ACSF3: variants seen among roughly 807,000 people sequenced by gnomAD.
The protein encoded by ACSF3 is malonate--CoA ligase ACSF3, mitochondrial.
A neutral mutation model predicts 53.2 loss-of-function variants in ACSF3; 78 were observed. The ratio of observed to expected loss-of-function variants is 1.47; its 90% CI spans 1.22 to 1.77. ACSF3 has a LOEUF of 1.77. Among genes scored for constraint, ACSF3 ranks in the 40% most tolerant of loss-of-function variants. The probability of loss-of-function intolerance (pLI) is 0.00; values close to 1 mark genes in which losing one functional copy is unlikely to be tolerated. For synonymous variants in ACSF3, 414 were observed against 333.1 expected (o/e 1.24, Z -2.65); for missense variants, 937 against 771.1 (o/e 1.22, Z -2.55).
At chr16:89,124,670 CGT>C (rs1907593024) in intron 7 of ACSF3, among the ~76,000 whole-genome samples, 3 of 147,622 alleles carry the variant, frequency 2.0e-5, no homozygotes, top group South Asian at 2.2e-4. Context: ...GCACGCACTG[CGT>C]GTGTCACATA....
chr16:89,149,047 A>G (rs1326057395), intron 10 of ACSF3: 1 of 152,130 alleles, frequency 6.6e-6, no homozygotes, highest in East Asian at 1.9e-4. Flanking sequence ...TACCTTTTAA[A>G]TCTAAGTTCC....
In ACSF3 at chr16:89,093,950, A is replaced by G. The variant is rs2151380065; in HGVS notation, c.-240A>G. The G allele has an allele frequency of 6.2e-6, 2 of 323,200 alleles. No homozygotes were observed. Among genetic ancestry groups the G allele is most frequent in the Non-Finnish European group, 1.3e-5 (2 of 154,682 alleles). The allele number at this position is 323,200 out of a possible 1,614,324, so 20.0% of individuals were successfully genotyped here. A position where few individuals can be genotyped will look rare whatever the true frequency, so the allele number is the denominator to read the frequency against. On this transcript the variant is annotated 5_prime_UTR_variant, in exon 1 of 11. Coordinates refer to ENST00000614302, the MANE Select transcript of ACSF3 (RefSeq NM_001243279.3). ...GCGCGCGCGGCGGAGGACGAGGAAG[A>G]GTTGTGGCGAGGCAGATCCTGCCCC...
Position 89,146,069 on chromosome 16 carries a change from G to GGGGGGGGGGGGGGGC in ACSF3, c.1613+20_1613+21insGGGGGGGGGGGGGGC. On this transcript the variant is annotated intron_variant, in intron 10 of 10. Coordinates refer to ENST00000614302, the MANE Select transcript of ACSF3 (RefSeq NM_001243279.3). The stretch of plus-strand genomic sequence containing the variant: ...GGCCAGGTAGGGCTGGGTGGGGCGG[G>GGGGGGGGGGGGGGGC]CAGGGAGCACTCATGGGGTCTTGGG... 3.7e-6 allele frequency: 2 copies of GGGGGGGGGGGGGGGC among 534,940 alleles called. No homozygotes were observed. Among genetic ancestry groups the GGGGGGGGGGGGGGGC allele is most frequent in the African/African-American group, 2.0e-5 (1 of 50,846 alleles). 33.1% of individuals were successfully genotyped at this position (534,940 alleles called of 1,614,324 possible).
At chr16:89,135,364 G>T (rs903130057) in intron 8 of ACSF3, among the ~76,000 whole-genome samples, 5 of 152,234 alleles carry the variant, frequency 3.3e-5, no homozygotes, top group Admixed American at 2.6e-4. Flanking sequence ...TGGAGCATGT[G>T]CTGCTGTGAG....
chr16:89,128,128 G>A (rs1314519519), intron 7 of ACSF3, among the ~76,000 whole-genome samples: 1 of 151,550 alleles, frequency 6.6e-6, no homozygotes, highest in Non-Finnish European at 1.5e-5. Flanking sequence ...AGTTGCTTAA[G>A]GTGAAGCTTT....
intron 1 of ACSF3, among the ~76,000 whole-genome samples, chr16:89,097,450 G>A (rs1331677331): frequency 6.6e-6 from 1 of 152,250 alleles, no homozygotes; most frequent in East Asian, 1.9e-4. Context: ...GGCACTCCCT[G>A]TGGCTCTCAG....
intron 8 of ACSF3, chr16:89,136,568 T>G (rs1910515868): frequency 7.8e-7 from 1 of 1,276,228 alleles, no homozygotes; most frequent in Non-Finnish European, 1.0e-6. Flanking sequence ...GCCACACGGA[T>G]TCTGGCATAA....
rs935280977 is a variant in ACSF3, at chr16:89,155,935, C to T, written c.*1728C>T. On this transcript the variant is annotated 3_prime_UTR_variant, in exon 11 of 11. Coordinates refer to ENST00000614302, the MANE Select transcript of ACSF3 (RefSeq NM_001243279.3). ...TACAGAAAGCCTGGAGCTCATTGAC[C>T]AGAAACTGCAGAGAGCCTGGAGCTC... is the stretch of plus-strand genomic sequence containing the variant. The T allele has an allele frequency of 5.5e-6, 2 of 366,638 alleles. No homozygotes were observed. The highest frequency in any genetic ancestry group is 3.6e-5 in the Admixed American group (1 of 27,798). The allele number at this position is 366,638 out of a possible 1,614,324, so 22.7% of individuals were successfully genotyped here. A position where few individuals can be genotyped will look rare whatever the true frequency, so the allele number is the denominator to read the frequency against.
At chr16:89,102,444 C>G (rs1975456905) in intron 3 of ACSF3, 160 bp from the exon 4 acceptor site, 2 of 807,060 alleles carry the variant, frequency 2.5e-6, no homozygotes, top group African/African-American at 3.4e-5. Context: ...TTGTCGTCAT[C>G]TTGAGAGGCT....
Position 89,102,217 on chromosome 16 carries a change from G to T in ACSF3, c.667-387G>T, listed in dbSNP as rs536545848. ...GAATCGGCAGAGCTCTGTGTGGGCA[G>T]TGCTGTCACCTGAGCCAGTGGTTGG... On this transcript the variant is annotated intron_variant, in intron 3 of 10. Transcript: ENST00000614302. The T allele has an allele frequency of 2.3e-5, 8 of 352,846 alleles. No homozygotes were observed. The Admixed American group carries it at 2.3e-4, about 10-fold the overall frequency. The allele number at this position is 352,846 out of a possible 1,614,324, so 21.9% of individuals were successfully genotyped here. A position where few individuals can be genotyped will look rare whatever the true frequency, so the allele number is the denominator to read the frequency against.
intron 8 of ACSF3, chr16:89,136,788 G>A (rs1567732672): frequency 3.1e-6 from 4 of 1,287,272 alleles, no homozygotes; most frequent in African/African-American, 1.5e-5. Flanking sequence ...GAGGCCAGGG[G>A]TCTCCGCTGC....
At chr16:89,100,046 C>G (rs982627133) in intron 2 of ACSF3, among the ~76,000 whole-genome samples, 5 of 151,756 alleles carry the variant, frequency 3.3e-5, no homozygotes, top group African/African-American at 1.2e-4. Context: ...GAGGCTGAGG[C>G]CACAGGATGG....
chr16:89,125,301 C>T (rs900049663), intron 7 of ACSF3, among the ~76,000 whole-genome samples: 2 of 150,070 alleles, frequency 1.3e-5, no homozygotes, highest in African/African-American at 4.9e-5. Flanking sequence ...CGAGATCACG[C>T]CACTGCACTC....
At chr16:89,104,937 A>G (rs984918497) in intron 4 of ACSF3, among the ~76,000 whole-genome samples, 1 of 152,226 alleles carries the variant, frequency 6.6e-6, no homozygotes, top group East Asian at 1.9e-4. Flanking sequence ...TCTAGCAGTT[A>G]CTACCGTGCC....
chr16:89,126,444 T>C (rs1908125718), intron 7 of ACSF3, among the ~76,000 whole-genome samples: 1 of 152,168 alleles, frequency 6.6e-6, no homozygotes, highest in African/African-American at 2.4e-5. Context: ...GATTGTTGTA[T>C]TTTTAATAGA....
At chr16:89,138,650 C>A (rs937406785) in intron 8 of ACSF3, among the ~76,000 whole-genome samples, 12 of 152,254 alleles carry the variant, frequency 7.9e-5, no homozygotes, top group Admixed American at 3.9e-4. Context: ...TCCACGCTGA[C>A]AGCTCCTGAG....
intron 3 of ACSF3, among the ~76,000 whole-genome samples, chr16:89,101,973 G>C (rs918728738): frequency 6.6e-6 from 1 of 152,200 alleles, no homozygotes; most frequent in African/African-American, 2.4e-5. Flanking sequence ...CGCGCCTGTC[G>C]GGAGGGACGG....
intron 1 of ACSF3, among the ~76,000 whole-genome samples, chr16:89,095,948 T>G (rs1313504485): frequency 1.3e-5 from 2 of 151,842 alleles, no homozygotes; most frequent in Non-Finnish European, 2.9e-5. Context: ...GCACTCCAGT[T>G]AGGAGGGAAA....
intron 4 of ACSF3, among the ~76,000 whole-genome samples, chr16:89,107,548 A>G (rs1336970320): frequency 1.3e-5 from 2 of 152,164 alleles, no homozygotes; most frequent in Non-Finnish European, 2.9e-5. Flanking sequence ...CATCAAATGC[A>G]GTTTGTTCTT....
Sources: allele counts gnomAD v4.1 joint callset (sites outside exome capture counted in the v4.1 genomes callset), GRCh38; gene constraint gnomAD v4.1.1; transcripts MANE v1.5; gene names NCBI Gene and HGNC (gene_info 2026-07-23, HGNC 2026-07-21).